CLASP2: variants seen among roughly 807,000 people sequenced by gnomAD.
CLASP2 encodes the protein cytoplasmic linker associated protein 2.
Under a neutral mutation model 194.4 loss-of-function variants are expected in CLASP2, and 47 were observed. The ratio of observed to expected loss-of-function variants is 0.24; its 90% CI spans 0.19 to 0.31. The LOEUF (loss-of-function observed/expected upper bound fraction) is 0.31, where lower values mean the gene tolerates loss of function less well. CLASP2 is among the 10% of genes least tolerant of loss of function. The probability of loss-of-function intolerance (pLI) is 1.00; values close to 1 mark genes in which losing one functional copy is unlikely to be tolerated. For synonymous variants in CLASP2, 619 were observed against 633.5 expected (o/e 0.98, Z 0.34); for missense variants, 1,445 against 1,823.6 (o/e 0.79, Z 3.78).
chr3:33,574,490 C>T (rs1406083959), intron 24 of CLASP2: 1 of 1,509,644 alleles, frequency 6.6e-7, no homozygotes, highest in Non-Finnish European at 8.9e-7. Flanking sequence ...CGTATGTCTC[C>T]TAAGAGCTGA....
chr3:33,553,083 A>G (rs981984366), intron 29 of CLASP2, among the ~76,000 whole-genome samples: 1 of 152,140 alleles, frequency 6.6e-6, no homozygotes, highest in African/African-American at 2.4e-5. Context: ...TTTTAAGGTA[A>G]TATGTTTTTC....
chr3:33,614,819 C>T (rs937943703), intron 12 of CLASP2, among the ~76,000 whole-genome samples: 2 of 152,030 alleles, frequency 1.3e-5, no homozygotes, highest in Admixed American at 6.5e-5. Flanking sequence ...AGTGAAACTT[C>T]GCCTCTACTA....
At chr3:33,586,733 C>G (rs1206888174) in intron 21 of CLASP2, among the ~76,000 whole-genome samples, 1 of 151,998 alleles carries the variant, frequency 6.6e-6, no homozygotes, top group Non-Finnish European at 1.5e-5. Flanking sequence ...TTCATGAAAG[C>G]AACCTTTTCC....
intron 8 of CLASP2, among the ~76,000 whole-genome samples, chr3:33,639,613 A>G (rs1041252565): frequency 6.6e-6 from 1 of 152,220 alleles, no homozygotes; most frequent in Non-Finnish European, 1.5e-5. Flanking sequence ...TCTTATACAT[A>G]GTAAGAAATA....
In CLASP2 at chr3:33,517,005, C is replaced by T. The variant is rs1285021077; in HGVS notation, c.3957G>A (p.Leu1319=). The T allele has an allele frequency of 3.1e-6, 5 of 1,612,886 alleles. No individual in the cohort carries two copies. In the African/African-American group the frequency reaches 6.7e-5, roughly 22 times the overall value. ...DEHFKTILLL[L]LETLGDKEPT... Reference sequence around the variant, plus strand: ...CCTCTTTATCTCCAAGCGTTTCAAGCAATAAAAGCAATATTGTTTTGAAGT... The same window carrying T: ...CCTCTTTATCTCCAAGCGTTTCAAGTAATAAAAGCAATATTGTTTTGAAGT... The change falls in exon 35 of 39, where the codon TTG becomes TTA. Residue 1319 remains leucine, a synonymous_variant. Coordinates refer to ENST00000682230, the MANE Select transcript of CLASP2 (RefSeq NM_001365631.1).
At chr3:33,617,045 A>T (rs1428463390) in intron 12 of CLASP2, among the ~76,000 whole-genome samples, 2 of 150,730 alleles carry the variant, frequency 1.3e-5, no homozygotes, top group Non-Finnish European at 1.5e-5. Flanking sequence ...ATTTTCTAAC[A>T]TTGTTACAAA....
intron 37 of CLASP2, chr3:33,504,371 A>T (rs1438088615): frequency 6.6e-6 from 1 of 152,190 alleles, no homozygotes. Context: ...TGTTTACGGT[A>T]TGTGGTCACT....
chr3:33,622,500 T>C (rs890049766), intron 10 of CLASP2, among the ~76,000 whole-genome samples: 3 of 152,198 alleles, frequency 2.0e-5, no homozygotes, highest in African/African-American at 4.8e-5. Flanking sequence ...GACTTAGTTA[T>C]AAGCACGACG....
At chr3:33,689,396 T>A (rs1256534911) in intron 3 of CLASP2, among the ~76,000 whole-genome samples, 1 of 151,266 alleles carries the variant, frequency 6.6e-6, no homozygotes, top group East Asian at 1.9e-4. Flanking sequence ...AAAAAAAAAA[T>A]TAGTTCTGAA....
At chr3:33,525,249 A>T (rs1229075075) in intron 34 of CLASP2, among the ~76,000 whole-genome samples, 1 of 152,232 alleles carries the variant, frequency 6.6e-6, no homozygotes, top group Non-Finnish European at 1.5e-5. Flanking sequence ...TATGGAACAC[A>T]GTGAAAACAG....
At chr3:33,670,007 A>G (rs563818104) in intron 6 of CLASP2, among the ~76,000 whole-genome samples, 1 of 152,310 alleles carries the variant, frequency 6.6e-6, no homozygotes, top group Non-Finnish European at 1.5e-5. Flanking sequence ...TATTCATACA[A>G]TGGAAAACTA....
intron 15 of CLASP2, among the ~76,000 whole-genome samples, chr3:33,607,124 T>C (rs780189116): frequency 6.6e-6 from 1 of 152,176 alleles, no homozygotes; most frequent in South Asian, 2.1e-4. Context: ...CAATACAAAC[T>C]TGATAAGTGA....
At chr3:33,613,834 T>G (rs2075640073) in intron 12 of CLASP2, among the ~76,000 whole-genome samples, 1 of 152,200 alleles carries the variant, frequency 6.6e-6, no homozygotes, top group African/African-American at 2.4e-5. Context: ...TCTTCTAACT[T>G]CTGCAAAATC....
chr3:33,671,956 G>A (rs1489784320), intron 6 of CLASP2, among the ~76,000 whole-genome samples: 2 of 152,276 alleles, frequency 1.3e-5, no homozygotes, highest in South Asian at 2.1e-4. Flanking sequence ...CAACTGGGTG[G>A]AGCCCACCAC....
chr3:33,574,399 C>A, intron 24 of CLASP2: 2 of 848,204 alleles, frequency 2.4e-6, no homozygotes, highest in South Asian at 1.9e-5. Flanking sequence ...AATAGAAGAC[C>A]ATCATTTGTT....
chr3:33,626,836 T>C (rs905795977), intron 10 of CLASP2, among the ~76,000 whole-genome samples, 152 bp downstream of exon 10: 3 of 152,092 alleles, frequency 2.0e-5, no homozygotes, highest in Admixed American at 2.0e-4. Context: ...AAAATGAGTA[T>C]TATATCAATA....
At chr3:33,583,911 A>G (rs2066734947) in intron 22 of CLASP2, among the ~76,000 whole-genome samples, 1 of 152,192 alleles carries the variant, frequency 6.6e-6, no homozygotes, top group Non-Finnish European at 1.5e-5. Flanking sequence ...GAAGGAAGAG[A>G]GAGTGAGAGA....
At chr3:33,550,001 T>C (rs766567050) in intron 30 of CLASP2, among the ~76,000 whole-genome samples, 3 of 152,142 alleles carry the variant, frequency 2.0e-5, no homozygotes, top group Non-Finnish European at 4.4e-5. Flanking sequence ...CCTACCATGT[T>C]GAGATTACAG....
At chr3:33,503,136 C>T (rs1297902669) in intron 37 of CLASP2, 1 of 152,124 alleles carries the variant, frequency 6.6e-6, no homozygotes, top group Non-Finnish European at 1.5e-5. Flanking sequence ...ACGCACTGTC[C>T]CTTCCCAGAA....
Sources: gnomAD v4.1 joint callset for allele counts (sites outside exome capture counted in the v4.1 genomes callset) on GRCh38, gnomAD v4.1.1 for gene constraint, MANE v1.5 for transcripts, NCBI Gene and HGNC (gene_info 2026-07-23, HGNC 2026-07-21) for gene names.